RBMS3: variants seen among roughly 807,000 people sequenced by gnomAD.
RBMS3 encodes RNA binding motif single stranded interacting protein 3, also known as RNA-binding motif, single-stranded-interacting protein 3.
A neutral mutation model predicts 66.8 loss-of-function variants in RBMS3; 27 were observed. The ratio of observed to expected loss-of-function variants is 0.40; its 90% confidence interval spans 0.30 to 0.56. RBMS3 has a LOEUF of 0.56. Among genes scored for constraint, RBMS3 ranks in the 20% least tolerant of loss-of-function variants. The pLI, the probability that RBMS3 is intolerant of heterozygous loss-of-function variation, is 0.40. For missense variants in RBMS3, 513 were observed against 549.5 expected, an observed-to-expected ratio of 0.93 and a Z score of 0.66; for synonymous variants, 188 against 183.0, an observed-to-expected ratio of 1.03 and a Z score of -0.22.
At chr3:29,644,793 C>T (rs2049856653) in intron 4 of RBMS3, among the ~76,000 whole-genome samples, 1 of 152,108 alleles carries the variant, frequency 6.6e-6, no homozygotes, top group Non-Finnish European at 1.5e-5. Flanking sequence ...ACATTTTTAT[C>T]GATGGTTCCA....
At position 29,493,487 on chromosome 3, in the gene RBMS3, G is replaced by A. The variant is rs556225174; in HGVS notation, c.307+4988G>A. Among the ~76,000 whole-genome samples the A allele has an allele frequency of 2.6e-5, 4 of 152,256 alleles. No homozygotes were observed. In the South Asian group the frequency reaches 6.2e-4, roughly 24 times the overall value. ...TTAACAAAGTTAATACATGGAAAAT[G>A]TTTGACGATATCTCCTGTTACTTTT... is the stretch of plus-strand genomic sequence containing the variant. On this transcript the variant is annotated intron_variant, in intron 3 of 14. Transcript: ENST00000383767.
At chr3:29,947,917 CT>C (rs1053386911) in intron 12 of RBMS3, among the ~76,000 whole-genome samples, 2 of 150,844 alleles carry the variant, frequency 1.3e-5, no homozygotes, top group African/African-American at 4.9e-5. Context: ...AAAATCTGTC[CT>C]CTTTTTCTAA....
At chr3:29,963,754 G>A (rs1294436291) in intron 12 of RBMS3, among the ~76,000 whole-genome samples, 4 of 150,162 alleles carry the variant, frequency 2.7e-5, no homozygotes, top group African/African-American at 9.8e-5. Flanking sequence ...CTGAACCCTG[G>A]AGGCAGATGT....
chr3:29,608,666 G>A (rs908869367), intron 4 of RBMS3, among the ~76,000 whole-genome samples: 1 of 151,988 alleles, frequency 6.6e-6, no homozygotes, highest in African/African-American at 2.4e-5. Context: ...GCTGAGATGA[G>A]AGAAGAATAT....
At chr3:29,494,111 T>A (rs1412533241) in intron 3 of RBMS3, among the ~76,000 whole-genome samples, 2 of 152,218 alleles carry the variant, frequency 1.3e-5, no homozygotes, top group Non-Finnish European at 2.9e-5. Context: ...ACGTACAGCA[T>A]ATTGTGTGTA....
chr3:29,438,264 G>C (rs1411423095), intron 2 of RBMS3, among the ~76,000 whole-genome samples: 1 of 151,966 alleles, frequency 6.6e-6, no homozygotes, highest in African/African-American at 2.4e-5. Flanking sequence ...AGCACTTTTA[G>C]AGTTAATATT....
At chr3:29,966,194 T>C (rs914597523) in intron 12 of RBMS3, among the ~76,000 whole-genome samples, 9 of 152,098 alleles carry the variant, frequency 5.9e-5, no homozygotes, top group Admixed American at 5.2e-4. Context: ...TTTGGCTATA[T>C]GGGCTCTTTC....
At chr3:29,457,654 G>A (rs367606131) in intron 2 of RBMS3, among the ~76,000 whole-genome samples, 2 of 152,128 alleles carry the variant, frequency 1.3e-5, no homozygotes, top group Non-Finnish European at 2.9e-5. Context: ...CCCAGGAGGC[G>A]AAGGTTGCAG....
intron 1 of RBMS3, among the ~76,000 whole-genome samples, chr3:29,328,562 C>T (rs537070196): frequency 1.3e-5 from 2 of 152,248 alleles, no homozygotes; most frequent in African/African-American, 4.8e-5. Flanking sequence ...CCTCTTTTCC[C>T]TCAACCTCCA....
At chr3:29,566,521 T>C (rs2149058606) in intron 3 of RBMS3, among the ~76,000 whole-genome samples, 1 of 151,674 alleles carries the variant, frequency 6.6e-6, no homozygotes, top group Admixed American at 6.6e-5. Flanking sequence ...AGATTACATG[T>C]CCCCGTTAAT....
At chr3:29,800,729 T>C (rs1576843254) in intron 6 of RBMS3, among the ~76,000 whole-genome samples, 1 of 152,106 alleles carries the variant, frequency 6.6e-6, no homozygotes, top group Non-Finnish European at 1.5e-5. Context: ...AAAAGTAAAG[T>C]GTAAAAACAA....
intron 1 of RBMS3, among the ~76,000 whole-genome samples, chr3:29,315,423 C>T (rs552508192): frequency 7.2e-5 from 11 of 151,928 alleles, no homozygotes; most frequent in East Asian, 1.9e-4. Context: ...CATGTATACA[C>T]ACATACATAC....
At chr3:29,968,622 C>T (rs1235031114) in intron 12 of RBMS3, among the ~76,000 whole-genome samples, 1 of 152,222 alleles carries the variant, frequency 6.6e-6, no homozygotes, top group South Asian at 2.1e-4. Context: ...CCTTCAGCTT[C>T]TCCAGTGGGG....
intron 12 of RBMS3, among the ~76,000 whole-genome samples, chr3:29,980,608 T>C (rs1432011042): frequency 1.3e-5 from 2 of 152,200 alleles, no homozygotes; most frequent in Non-Finnish European, 2.9e-5. Context: ...TTAATTTTTG[T>C]ATAAGGTGTA....
intron 3 of RBMS3, among the ~76,000 whole-genome samples, chr3:29,554,063 A>T (rs1447429281): frequency 6.6e-6 from 1 of 152,174 alleles, no homozygotes; most frequent in Non-Finnish European, 1.5e-5. Context: ...ATGAAACTTC[A>T]TTATTCCATA....
intron 6 of RBMS3, among the ~76,000 whole-genome samples, chr3:29,826,496 G>A (rs1389607513): frequency 2.0e-5 from 3 of 151,966 alleles, no homozygotes; most frequent in Non-Finnish European, 1.5e-5. Flanking sequence ...TGTATATTCT[G>A]GTTAGCTACT....
intron 1 of RBMS3, among the ~76,000 whole-genome samples, chr3:29,357,889 T>G (rs1353711665): frequency 6.6e-6 from 1 of 152,182 alleles, no homozygotes; most frequent in Admixed American, 6.5e-5. Context: ...CACTTTTTGA[T>G]GGGGTTGTTT....
intron 2 of RBMS3, among the ~76,000 whole-genome samples, chr3:29,471,212 A>AT (rs1393318682): frequency 2.0e-5 from 3 of 152,312 alleles, no homozygotes; most frequent in African/African-American, 7.2e-5. Flanking sequence ...GTTTTTCTGC[A>AT]TTTTCCAACT....
intron 1 of RBMS3, among the ~76,000 whole-genome samples, chr3:29,389,458 G>T (rs2039179341): frequency 6.6e-6 from 1 of 152,104 alleles, no homozygotes; most frequent in Non-Finnish European, 1.5e-5. Flanking sequence ...ACTGTTGAGG[G>T]ATGTTCACAA....
Sources: allele counts gnomAD v4.1 joint callset (sites outside exome capture counted in the v4.1 genomes callset), GRCh38; gene constraint gnomAD v4.1.1; transcripts MANE v1.5; gene names NCBI Gene and HGNC (gene_info 2026-07-23, HGNC 2026-07-21).